Variants in IQCH observed in about 807,000 individuals in gnomAD.
IQCH encodes the protein IQ domain-containing protein H.
A neutral mutation model predicts 117.0 loss-of-function variants in IQCH; 98 were observed. That is an observed-to-expected ratio of 0.84 (90% CI 0.71 to 0.99). The LOEUF (loss-of-function observed/expected upper bound fraction) is 0.99, where lower values mean the gene tolerates loss of function less well. IQCH is among the 50% of genes least tolerant of loss of function. The pLI is 0.00. For synonymous variants in IQCH, 412 were observed against 448.2 expected, an observed-to-expected ratio of 0.92 and a Z score of 1.02; for missense variants, 1,102 against 1,243.8, an observed-to-expected ratio of 0.89 and a Z score of 1.72.
intron 8 of IQCH, among the ~76,000 whole-genome samples, chr15:67,368,040 T>TA (rs1218480984): frequency 6.6e-6 from 1 of 152,196 alleles, no homozygotes; most frequent in Non-Finnish European, 1.5e-5. Flanking sequence ...TCTTGACACA[T>TA]ACTGTAATCA....
intron 10 of IQCH, chr15:67,373,721 C>T (rs561349627): frequency 2.4e-5 from 12 of 504,722 alleles, no homozygotes; most frequent in South Asian, 4.7e-5. Context: ...TATTTTTCCC[C>T]GAAATAACAG....
intron 14 of IQCH, among the ~76,000 whole-genome samples, chr15:67,409,417 G>A (rs975044835): frequency 5.8e-4 from 89 of 152,178 alleles, no homozygotes; most frequent in African/African-American, 2.1e-3. Flanking sequence ...GAAAGGGAAT[G>A]AACCTCTCTA....
chr15:67,255,178 GA>G, intron 1 of IQCH: 1 of 591,476 alleles, frequency 1.7e-6, no homozygotes, highest in Non-Finnish European at 3.0e-6. Context: ...CTGCCTCTGG[GA>G]AAACTCTAAA....
At chr15:67,303,444 A>G (rs778490255) in intron 4 of IQCH, among the ~76,000 whole-genome samples, 4 of 152,186 alleles carry the variant, frequency 2.6e-5, no homozygotes, top group Non-Finnish European at 5.9e-5. Flanking sequence ...TTATATTACA[A>G]TTTTTAAAAT....
rs891526428 is a variant in IQCH at position 67,391,416 on chromosome 15, A to G, written c.1632+2410A>G. 2.2e-4 allele frequency among the ~76,000 whole-genome samples: 33 copies of G among 152,340 alleles called. No homozygotes were observed. The highest frequency in any genetic ancestry group is 7.2e-4 in the African/African-American group (30 of 41,574). The stretch of plus-strand genomic sequence containing the variant: ...CTGATTTTCATTTAAATGGATGGCT[A>G]TGAGATTTTTTAAAGCATGCCAAAA... On this transcript the variant is annotated intron_variant, in intron 12 of 20. Transcript: ENST00000335894. This position sits in a 1 kb window ranked among gnomAD's most constrained non-coding sequence, Gnocchi z 4.3.
Position 67,473,560 on chromosome 15 carries a change from C to T in IQCH, c.2677-2136C>T, listed in dbSNP as rs970728856. Among the ~76,000 whole-genome samples the T allele has an allele frequency of 6.6e-6, 1 of 152,246 alleles. No individual in the cohort carries two copies. The highest frequency in any genetic ancestry group is 2.4e-5 in the African/African-American group (1 of 41,468). ...GGCAGTGTCTTTCTTAAATTACATA[C>T]TTTGAAGAGTCTCTTAAGTCAGAGG... On this transcript the variant is annotated intron_variant, in intron 17 of 20. Transcript: ENST00000335894. The surrounding 1 kb of genome is among the most constrained non-coding windows in gnomAD (Gnocchi z 4.9).
Position 67,472,552 on chromosome 15 carries a change from CAAAGG to C in IQCH, c.2677-3141_2677-3137del, listed in dbSNP as rs1168717835. On this transcript the variant is annotated intron_variant, in intron 17 of 20. Coordinates refer to ENST00000335894, the MANE Select transcript of IQCH (RefSeq NM_001031715.3). The surrounding 1 kb of genome is among the most constrained non-coding windows in gnomAD (Gnocchi z 4.3). ...ATTTATTGTAGATCCAAAATCCTTT[CAAAGG>C]AATGACAACAAAAATAGTAGCTACC... Among the ~76,000 whole-genome samples, 1 of 152,138 alleles carries C rather than the reference CAAAGG, an allele frequency of 6.6e-6. No homozygotes were observed. The highest frequency in any genetic ancestry group is 6.5e-5 in the Admixed American group (1 of 15,284).
chr15:67,303,324 C>A (rs907852345), intron 4 of IQCH, among the ~76,000 whole-genome samples: 4 of 152,046 alleles, frequency 2.6e-5, no homozygotes, highest in Admixed American at 1.3e-4. Context: ...TATGAGGTCT[C>A]ATTTTCGGGG....
At chr15:67,484,576 A>G (rs1596478353) in intron 18 of IQCH, among the ~76,000 whole-genome samples, 2 of 1,936 alleles carry the variant, frequency 1.0e-3, no homozygotes, top group Non-Finnish European at 2.6e-3. Context: ...TAAAAATACA[A>G]AAAAAAAAAA....
rs1250580222 is a variant in IQCH, at chr15:67,474,271, G to C, written c.2677-1425G>C. ...CCTTACGGCCAGCTCCAGACCAGCA[G>C]CACCTCCTTTGCCTACTCCTTTTCC... is the stretch of plus-strand genomic sequence containing the variant. On this transcript the variant is annotated intron_variant, in intron 17 of 20. Coordinates refer to ENST00000335894, the MANE Select transcript of IQCH (RefSeq NM_001031715.3). This position sits in a 1 kb window ranked among gnomAD's most constrained non-coding sequence, Gnocchi z 4.1. Among the ~76,000 whole-genome samples the C allele has an allele frequency of 2.0e-5, 3 of 152,106 alleles. No homozygotes were observed. The highest frequency in any genetic ancestry group is 7.2e-5 in the African/African-American group (3 of 41,422).
At chr15:67,331,897 A>G (rs926309299) in intron 4 of IQCH, among the ~76,000 whole-genome samples, 1 of 152,170 alleles carries the variant, frequency 6.6e-6, no homozygotes, top group African/African-American at 2.4e-5. Context: ...TACACAGATC[A>G]CTTCTGCTTA....
Position 67,369,606 on chromosome 15 carries a change from G to A in IQCH, c.754-2505G>A, listed in dbSNP as rs933997204. 3.3e-5 allele frequency among the ~76,000 whole-genome samples: 5 copies of A among 151,866 alleles called. No homozygotes were observed. The highest frequency in any genetic ancestry group is 1.2e-4 in the African/African-American group (5 of 41,312). The stretch of plus-strand genomic sequence containing the variant: ...GCAGAGGAAAAGAAAAAGAAGGAAA[G>A]AAAGAAGAAAGAAAGCCAACAAATA... On this transcript the variant is annotated intron_variant, in intron 8 of 20. Coordinates refer to ENST00000335894, the MANE Select transcript of IQCH (RefSeq NM_001031715.3). The surrounding 1 kb of genome is among the most constrained non-coding windows in gnomAD (Gnocchi z 5.2).
At chr15:67,296,503 A>G (rs964553219) in intron 4 of IQCH, among the ~76,000 whole-genome samples, 3 of 152,090 alleles carry the variant, frequency 2.0e-5, no homozygotes, top group African/African-American at 7.2e-5. Flanking sequence ...TGAGAGACGT[A>G]TTGGATTCAG....
intron 3 of IQCH, among the ~76,000 whole-genome samples, chr15:67,276,663 G>A (rs1302333540): frequency 1.3e-5 from 2 of 151,516 alleles, no homozygotes; most frequent in Non-Finnish European, 2.9e-5. Context: ...CTTCTTACTT[G>A]CATAGTTTCT....
At chr15:67,307,813 T>G (rs1967377448) in intron 4 of IQCH, among the ~76,000 whole-genome samples, 2 of 152,130 alleles carry the variant, frequency 1.3e-5, no homozygotes, top group Non-Finnish European at 2.9e-5. Flanking sequence ...AGGCTAGATA[T>G]GGGAAAGTGA....
At chr15:67,347,305 G>A (rs1969441628) in intron 6 of IQCH, among the ~76,000 whole-genome samples, 1 of 151,518 alleles carries the variant, frequency 6.6e-6, no homozygotes, top group Admixed American at 6.6e-5. Context: ...TTAAAAGAGA[G>A]AAGGCACAAA....
At chr15:67,298,040 G>C (rs778813515) in intron 4 of IQCH, among the ~76,000 whole-genome samples, 5 of 152,140 alleles carry the variant, frequency 3.3e-5, no homozygotes, top group African/African-American at 4.8e-5. Flanking sequence ...TGGGCACAGT[G>C]GCTCACACCT....
chr15:67,437,715 C>G (rs2082172635), intron 16 of IQCH, among the ~76,000 whole-genome samples: 1 of 152,134 alleles, frequency 6.6e-6, no homozygotes, highest in Non-Finnish European at 1.5e-5. Flanking sequence ...ATCAAGAATA[C>G]AGGAAACATT....
chr15:67,485,337 A>G (rs1055234261), intron 18 of IQCH, among the ~76,000 whole-genome samples: 1 of 152,234 alleles, frequency 6.6e-6, no homozygotes, highest in African/African-American at 2.4e-5. Context: ...CTAGCGAACT[A>G]GAAAACAAGC....
Sources: allele counts gnomAD v4.1 joint callset (sites outside exome capture counted in the v4.1 genomes callset), GRCh38; gene constraint gnomAD v4.1.1; non-coding constraint Gnocchi (gnomAD v3.1); transcripts MANE v1.5; gene names NCBI Gene and HGNC (gene_info 2026-07-23, HGNC 2026-07-21).